Variants in CDH4 observed in about 807,000 individuals in gnomAD.
CDH4 encodes the protein cadherin 4, also known as cadherin-4.
Under a neutral mutation model 86.0 loss-of-function variants are expected in CDH4, and 33 were observed. The ratio of observed to expected loss-of-function variants is 0.38; its 90% CI spans 0.29 to 0.51. The LOEUF is 0.51. CDH4 is among the 20% of genes least tolerant of loss of function. CDH4 has a pLI of 0.86. For missense variants in CDH4, 1,114 were observed against 1,307.4 expected, an observed-to-expected ratio of 0.85 and a Z score of 2.28; for synonymous variants, 555 against 549.4, an observed-to-expected ratio of 1.01 and a Z score of -0.14.
At chr20:61,512,956 T>G (rs928230042) in intron 2 of CDH4, among the ~76,000 whole-genome samples, 2 of 152,272 alleles carry the variant, frequency 1.3e-5, no homozygotes, top group Non-Finnish European at 2.9e-5. Context: ...AAAATCTGAT[T>G]GTTAACAGTA....
intron 7 of CDH4, among the ~76,000 whole-genome samples, chr20:61,883,762 G>C (rs925232870): frequency 6.6e-6 from 1 of 152,204 alleles, no homozygotes; most frequent in Admixed American, 6.5e-5. Context: ...CTGGACTGAC[G>C]GGACCTCCCC....
At chr20:61,347,737 G>A (rs1019655848) in intron 2 of CDH4, among the ~76,000 whole-genome samples, 1 of 152,172 alleles carries the variant, frequency 6.6e-6, no homozygotes, top group Non-Finnish European at 1.5e-5. Flanking sequence ...GCGCCAACTC[G>A]CCTTCTTTGT....
intron 3 of CDH4, among the ~76,000 whole-genome samples, chr20:61,745,407 A>G (rs752293192): frequency 3.9e-5 from 6 of 152,182 alleles, no homozygotes; most frequent in African/African-American, 7.2e-5. Flanking sequence ...CGGAGATGGA[A>G]GCGGAGGTGG....
At chr20:61,666,005 C>CTCGG (rs2087319586) in intron 2 of CDH4, among the ~76,000 whole-genome samples, 1 of 152,212 alleles carries the variant, frequency 6.6e-6, no homozygotes, top group Non-Finnish European at 1.5e-5. Context: ...TGGCTGGGGA[C>CTCGG]TCCAAACGCT....
intron 2 of CDH4, among the ~76,000 whole-genome samples, chr20:61,680,693 C>T (rs958944004): frequency 3.3e-5 from 5 of 152,108 alleles, no homozygotes; most frequent in Admixed American, 6.5e-5. Flanking sequence ...TCAGCAAGTT[C>T]GATGCTTTCC....
intron 3 of CDH4, among the ~76,000 whole-genome samples, chr20:61,766,347 A>C: frequency 6.6e-6 from 1 of 151,404 alleles, no homozygotes. Context: ...GCCCCTGAAC[A>C]CTCAGAGCTC....
At chr20:61,319,682 A>G (rs1442291341) in intron 2 of CDH4, among the ~76,000 whole-genome samples, 1 of 152,096 alleles carries the variant, frequency 6.6e-6, no homozygotes, top group Admixed American at 6.5e-5. Flanking sequence ...ACAGTGGCGC[A>G]TGCCTGTAAT....
At chr20:61,816,264 C>T (rs1425345620) in intron 4 of CDH4, among the ~76,000 whole-genome samples, 1 of 152,130 alleles carries the variant, frequency 6.6e-6, no homozygotes, top group Non-Finnish European at 1.5e-5. Context: ...CTGTGATGTT[C>T]ACAGAGGATA....
chr20:61,343,530 T>G lies in CDH4; in HGVS notation c.169+88593T>G, dbSNP rs536009861. Among the ~76,000 whole-genome samples the G allele has an allele frequency of 2.0e-5, 3 of 152,336 alleles. No homozygotes were observed. In the East Asian group the frequency reaches 5.8e-4, roughly 29 times the overall value. On this transcript the variant is annotated intron_variant, in intron 2 of 15. Transcript: ENST00000614565. ...ATGTGTTTAAGAAACACATCAGTTT[T>G]GTATATTTGTTTTTTAAGATCCTGC...
At chr20:61,927,410 A>T (rs534238579) in intron 11 of CDH4, among the ~76,000 whole-genome samples, 1 of 152,294 alleles carries the variant, frequency 6.6e-6, no homozygotes, top group South Asian at 2.1e-4. Context: ...ACCTCCGTTC[A>T]TGCTGAAGCC....
At chr20:61,431,718 A>G (rs1184824629) in intron 2 of CDH4, among the ~76,000 whole-genome samples, 2 of 152,086 alleles carry the variant, frequency 1.3e-5, no homozygotes, top group Non-Finnish European at 2.9e-5. Context: ...TTGACATATG[A>G]AAACATGAAA....
chr20:61,700,057 C>G (rs367658230), intron 2 of CDH4, among the ~76,000 whole-genome samples: 1 of 152,192 alleles, frequency 6.6e-6, no homozygotes, highest in Non-Finnish European at 1.5e-5. Context: ...ACCCCACCCC[C>G]GGGGACAAGG....
intron 2 of CDH4, among the ~76,000 whole-genome samples, chr20:61,725,946 A>G (rs1465113408): frequency 6.6e-6 from 1 of 152,186 alleles, no homozygotes; most frequent in East Asian, 1.9e-4. Context: ...CTTGTGTTTG[A>G]AAGGATCCAC....
Position 61,921,667 on chromosome 20 carries a change from A to G in CDH4, c.1375-1784A>G, listed in dbSNP as rs185334897. The stretch of plus-strand genomic sequence containing the variant: ...CTGGGGAGGCTGAGGCAGGAGAATC[A>G]CTTGAAGCCAGGAGGCAGAGGTTGC... On this transcript the variant is annotated intron_variant, in intron 9 of 15. Transcript: ENST00000614565. 6.7e-3 allele frequency among the ~76,000 whole-genome samples: 1,024 copies of G among 151,756 alleles called. 18 individuals are homozygous for G. Among genetic ancestry groups the G allele is most frequent in the African/African-American group, 0.024 (988 of 41,290 alleles).
At chr20:61,555,326 C>T (rs1033018851) in intron 2 of CDH4, among the ~76,000 whole-genome samples, 2 of 152,194 alleles carry the variant, frequency 1.3e-5, no homozygotes, top group African/African-American at 2.4e-5. Flanking sequence ...GCAGTAAGGG[C>T]AGTGGGGCCT....
intron 2 of CDH4, among the ~76,000 whole-genome samples, chr20:61,571,976 A>G (rs902955398): frequency 1.3e-5 from 2 of 152,124 alleles, no homozygotes; most frequent in Non-Finnish European, 2.9e-5. Flanking sequence ...CCAGGGTCTC[A>G]CAGACAAAAG....
rs547672695 is a variant in CDH4, at chr20:61,409,615, C to T, written c.169+154678C>T. Among the ~76,000 whole-genome samples, 17 of 152,304 alleles carry T rather than the reference C, an allele frequency of 1.1e-4. No individual in the cohort carries two copies. In the South Asian group the frequency reaches 2.1e-3, roughly 19 times the overall value. On this transcript the variant is annotated intron_variant, in intron 2 of 15. Transcript: ENST00000614565. ...CATTTCAAAGAGGCAGTAAGGACCC[C>T]GATGCATGTCCTAAGCAGGCAGAGC...
At chr20:61,924,548 G>A (rs1038008648) in intron 11 of CDH4, 72 bp downstream of exon 11, 2 of 1,535,498 alleles carry the variant, frequency 1.3e-6, no homozygotes, top group African/African-American at 1.4e-5. Flanking sequence ...GCGAGGGAGG[G>A]TGCTGGCCAG....
intron 2 of CDH4, among the ~76,000 whole-genome samples, chr20:61,465,954 C>T (rs979789308): frequency 1.2e-4 from 18 of 151,634 alleles, no homozygotes; most frequent in Admixed American, 2.0e-4. Flanking sequence ...CTGCCTGCCA[C>T]GGGTTCACAA....
Sources: gnomAD v4.1 joint callset for allele counts (sites outside exome capture counted in the v4.1 genomes callset) on GRCh38, gnomAD v4.1.1 for gene constraint, MANE v1.5 for transcripts, NCBI Gene and HGNC (gene_info 2026-07-23, HGNC 2026-07-21) for gene names.